ERBB4: variants seen among roughly 807,000 people sequenced by gnomAD.
ERBB4 encodes the protein erb-b2 receptor tyrosine kinase 4.
In ERBB4, 42 loss-of-function variants were observed where a neutral mutation model predicts 158.0. That is an observed-to-expected ratio of 0.27 (90% CI 0.21 to 0.34). The LOEUF is 0.34. Ranked by LOEUF, ERBB4 falls within the 10% of genes least tolerant of loss-of-function variation. The pLI is 1.00. For synonymous variants in ERBB4, 583 were observed against 558.7 expected (o/e 1.04, Z -0.61); for missense variants, 1,333 against 1,624.1 (o/e 0.82, Z 3.08).
In ERBB4 at chr2:212,062,399, CTTTTTTTTTTTTTTTTTTTT is replaced by C. The variant is rs199535512; in HGVS notation, c.234+62333_234+62352del. Among the ~76,000 whole-genome samples, 178 of 81,346 alleles carry C rather than the reference CTTTTTTTTTTTTTTTTTTTT, an allele frequency of 2.2e-3. 4 individuals carry two copies. The highest frequency in any genetic ancestry group is 7.1e-3 in the African/African-American group (167 of 23,402). The allele number at this position is 81,346 out of a possible 152,430, so 53.4% of individuals were successfully genotyped here. A position where few individuals can be genotyped will look rare whatever the true frequency, so the allele number is the denominator to read the frequency against. On this transcript the variant is annotated intron_variant, in intron 2 of 27. Coordinates refer to ENST00000342788, the MANE Select transcript of ERBB4 (RefSeq NM_005235.3). ...CTACTACTCTTCTCACTTGTCAATTCTTTTTTTTTTTTTTTTTTTTTTTTTTTTTTTTTTTTTGAGATGGA... is the reference window on the plus strand; with the variant it reads ...CTACTACTCTTCTCACTTGTCAATTCTTTTTTTTTTTTTTTTTGAGATGGA...
intron 1 of ERBB4, among the ~76,000 whole-genome samples, chr2:212,291,925 G>T (rs1178902531): frequency 6.6e-6 from 1 of 151,924 alleles, no homozygotes; most frequent in African/African-American, 2.4e-5. Flanking sequence ...AAAAGGAACA[G>T]TTTGTAGTTT....
chr2:211,839,837 C>T (rs1341335806), intron 3 of ERBB4, among the ~76,000 whole-genome samples: 4 of 151,990 alleles, frequency 2.6e-5, no homozygotes, highest in African/African-American at 7.3e-5. Flanking sequence ...CTCCTATGTA[C>T]AAAAAGACCT....
chr2:212,048,449 T>A (rs1183034654), intron 2 of ERBB4, among the ~76,000 whole-genome samples: 1 of 152,088 alleles, frequency 6.6e-6, no homozygotes, highest in African/African-American at 2.4e-5. Context: ...AGTAAATATA[T>A]TTGGGTTATG....
At chr2:212,026,490 T>C (rs1459255193) in intron 2 of ERBB4, among the ~76,000 whole-genome samples, 1 of 151,870 alleles carries the variant, frequency 6.6e-6, no homozygotes, top group Non-Finnish European at 1.5e-5. Flanking sequence ...CAACTTCTAA[T>C]GTAGGAAAAG....
chr2:211,602,413 C>A (rs1016468640), intron 19 of ERBB4, among the ~76,000 whole-genome samples: 1 of 152,046 alleles, frequency 6.6e-6, no homozygotes. Flanking sequence ...CACTCCCCCA[C>A]AGCAGCAGCT....
intron 3 of ERBB4, among the ~76,000 whole-genome samples, chr2:211,811,716 T>G (rs757642122): frequency 7.2e-5 from 11 of 152,208 alleles, no homozygotes; most frequent in African/African-American, 2.4e-4. Context: ...TTCGTTTCTT[T>G]TTACTCTTTT....
chr2:211,475,590 A>T (rs973382930), intron 20 of ERBB4, among the ~76,000 whole-genome samples: 1 of 152,056 alleles, frequency 6.6e-6, no homozygotes, highest in Non-Finnish European at 1.5e-5. Flanking sequence ...TCATATACCA[A>T]CTACCGTATA....
rs188061043 is a variant in ERBB4, at chr2:211,790,411, A to G, written c.422-2252T>C. ...ATTGTATTTCAAATAGTTCATACAA[A>G]GGAACACAGTATCCATCTCCAACTT... On this transcript the variant is annotated intron_variant, in intron 3 of 27. Transcript: ENST00000342788. 2.2e-3 allele frequency among the ~76,000 whole-genome samples: 341 copies of G among 152,218 alleles called. 1 individual carries two copies. Among genetic ancestry groups the G allele is most frequent in the South Asian group, 3.7e-3 (18 of 4,826 alleles).
intron 3 of ERBB4, among the ~76,000 whole-genome samples, chr2:211,842,804 G>A (rs978275277): frequency 6.6e-6 from 1 of 152,130 alleles, no homozygotes; most frequent in East Asian, 1.9e-4. Context: ...CAACACAGGG[G>A]TCGTATCTGT....
intron 1 of ERBB4, among the ~76,000 whole-genome samples, chr2:212,149,115 T>A (rs1162942157): frequency 6.7e-6 from 1 of 150,228 alleles, no homozygotes; most frequent in Admixed American, 6.6e-5. Flanking sequence ...TGTATACATA[T>A]GTAACTAACC....
intron 7 of ERBB4, among the ~76,000 whole-genome samples, chr2:211,716,633 G>A (rs550051748): frequency 1.8e-3 from 280 of 151,872 alleles, no homozygotes; most frequent in African/African-American, 6.3e-3. Flanking sequence ...CCGAGATTGC[G>A]CCACTGCATT....
chr2:211,785,627 T>C (rs182785713), intron 4 of ERBB4, among the ~76,000 whole-genome samples: 102 of 152,286 alleles, frequency 6.7e-4, no homozygotes, highest in Non-Finnish European at 1.3e-3. Flanking sequence ...AAGTTCAATC[T>C]TTTGCACATG....
chr2:212,012,516 A>C (rs567283307), intron 2 of ERBB4, among the ~76,000 whole-genome samples: 2 of 151,544 alleles, frequency 1.3e-5, no homozygotes, highest in East Asian at 3.9e-4. Flanking sequence ...TCCAAGCTCA[A>C]GCAATTCTCC....
chr2:212,422,810 G>A (rs932845086), intron 1 of ERBB4, among the ~76,000 whole-genome samples: 20 of 152,052 alleles, frequency 1.3e-4, no homozygotes, highest in Admixed American at 2.6e-4. Context: ...AATTAGTGTG[G>A]TCCCAAATTA....
At chr2:211,731,930 T>C (rs2106154287) in intron 5 of ERBB4, among the ~76,000 whole-genome samples, 1 of 152,240 alleles carries the variant, frequency 6.6e-6, no homozygotes, top group Admixed American at 6.5e-5. Context: ...AAAAGCCAAG[T>C]AGAAAGACTT....
intron 1 of ERBB4, among the ~76,000 whole-genome samples, chr2:212,330,266 A>G (rs893589675): frequency 6.6e-6 from 1 of 151,794 alleles, no homozygotes; most frequent in African/African-American, 2.4e-5. Context: ...TAATGGTGAA[A>G]GTGTTATGAG....
chr2:211,737,254 A>G (rs1411370529), intron 5 of ERBB4, among the ~76,000 whole-genome samples: 1 of 152,170 alleles, frequency 6.6e-6, no homozygotes, highest in Non-Finnish European at 1.5e-5. Flanking sequence ...AAGTAATTCA[A>G]AATAACTCAG....
chr2:212,107,231 G>A (rs554178045), intron 2 of ERBB4, among the ~76,000 whole-genome samples: 18 of 152,294 alleles, frequency 1.2e-4, no homozygotes, highest in African/African-American at 3.4e-4. Flanking sequence ...GCAAAGCCAC[G>A]GGGGCAGAGC....
chr2:211,441,828 T>G (rs982888318), intron 20 of ERBB4, among the ~76,000 whole-genome samples: 1 of 152,148 alleles, frequency 6.6e-6, no homozygotes. Context: ...TAGCTATTCT[T>G]GAGTCCCTAG....
Sources: gnomAD v4.1 joint callset for allele counts (sites outside exome capture counted in the v4.1 genomes callset) on GRCh38, gnomAD v4.1.1 for gene constraint, MANE v1.5 for transcripts, NCBI Gene and HGNC (gene_info 2026-07-23, HGNC 2026-07-21) for gene names.